Variants in PCDHGA8 observed in about 807,000 individuals in gnomAD.
PCDHGA8 encodes the protein protocadherin gamma-A8.
PCDHGA8 carries 45 observed loss-of-function variants against 59.2 expected under a neutral mutation model. The ratio of observed to expected loss-of-function variants is 0.76; its 90% CI spans 0.60 to 0.98. PCDHGA8 has a LOEUF of 0.98. Ranked by LOEUF, PCDHGA8 falls within the 50% of genes least tolerant of loss-of-function variation. PCDHGA8 has a pLI of 0.00. For synonymous variants in PCDHGA8, 531 were observed against 519.0 expected (o/e 1.02, Z -0.32); for missense variants, 1,257 against 1,196.2 (o/e 1.05, Z -0.75).
chr5:141,445,388 A>G (rs2098465525), intron 1 of PCDHGA8, among the ~76,000 whole-genome samples: 2 of 152,212 alleles, frequency 1.3e-5, no homozygotes, highest in African/African-American at 4.8e-5. Flanking sequence ...TCATTCATTT[A>G]CATAACAAAT....
chr5:141,407,971 G>A, intron 1 of PCDHGA8: 2 of 717,762 alleles, frequency 2.8e-6, no homozygotes, highest in South Asian at 2.3e-5. Flanking sequence ...AAGCGCTGAC[G>A]CCGGGGATCC....
chr5:141,409,045 C>T (rs1228603483), intron 1 of PCDHGA8: 1 of 1,613,878 alleles, frequency 6.2e-7, no homozygotes, highest in Non-Finnish European at 8.5e-7. Flanking sequence ...ACTACTACTT[C>T]CGAAGCACTG....
chr5:141,490,061 A>T lies in PCDHGA8; in HGVS notation c.2425-4746A>T. The stretch of plus-strand genomic sequence containing the variant: ...GCCACTGATCCAGACGAGGGCACCA[A>T]CGGCCAACTAGACTATTCTTTTGGA... On this transcript the variant is annotated intron_variant, in intron 1 of 3. Transcript: ENST00000398604. This position sits in a 1 kb window ranked among gnomAD's most constrained non-coding sequence, Gnocchi z 5.4. 1 of 1,614,214 alleles carries T rather than the reference A, an allele frequency of 6.2e-7. No homozygotes were observed. The highest frequency in any genetic ancestry group is 8.5e-7 in the Non-Finnish European group (1 of 1,180,030).
At chr5:141,427,570 C>T (rs1487817661) in intron 1 of PCDHGA8, 1 of 662,270 alleles carries the variant, frequency 1.5e-6, no homozygotes, top group Admixed American at 2.1e-5. Context: ...GGCAAGCCTC[C>T]GCTCTCATCC....
intron 1 of PCDHGA8, chr5:141,398,707 C>G (rs1257471989): frequency 6.8e-6 from 11 of 1,613,742 alleles, no homozygotes; most frequent in African/African-American, 1.3e-5. Context: ...ATACCCGGAA[C>G]TGGCACTGGA....
chr5:141,480,250 A>T (rs2099515553), intron 1 of PCDHGA8, among the ~76,000 whole-genome samples: 2 of 151,988 alleles, frequency 1.3e-5, no homozygotes, highest in African/African-American at 4.8e-5. Context: ...CAAAAAAAAA[A>T]AAAAATGTGT....
intron 1 of PCDHGA8, chr5:141,415,176 C>T: frequency 6.2e-7 from 1 of 1,613,934 alleles, no homozygotes; most frequent in Non-Finnish European, 8.5e-7. Context: ...TCACCGTGGC[C>T]GTGGCCGACA....
At chr5:141,413,179 G>C in intron 1 of PCDHGA8, 1 of 1,602,658 alleles carries the variant, frequency 6.2e-7, no homozygotes. Context: ...GACTACAATG[G>C]CCGCTCAAAG....
rs2099746956 is a variant in PCDHGA8 at position 141,493,207 on chromosome 5, A to C, written c.2425-1600A>C. Among the ~76,000 whole-genome samples, 1 of 152,152 alleles carries C rather than the reference A, an allele frequency of 6.6e-6. No individual in the cohort carries two copies. The highest frequency in any genetic ancestry group is 2.4e-5 in the African/African-American group (1 of 41,442). On this transcript the variant is annotated intron_variant, in intron 1 of 3. Coordinates refer to ENST00000398604, the MANE Select transcript of PCDHGA8 (RefSeq NM_032088.2). The surrounding 1 kb of genome is among the most constrained non-coding windows in gnomAD (Gnocchi z 4.3). ...ATAACTCCTTTGAGAACCTCATCTC[A>C]TTTGCTCTTCCCACCATTGCTGTTG...
chr5:141,511,443 C>A lies in PCDHGA8; in HGVS notation c.*270C>A. On this transcript the variant is annotated 3_prime_UTR_variant, in exon 4 of 4. Coordinates refer to ENST00000398604, the MANE Select transcript of PCDHGA8 (RefSeq NM_032088.2). ...GGGGTAGTGGGGTTACTGTAGACAC[C>A]AAGAACCATTTGCCACACCCCGTTT... 1 of 670,886 alleles carries A rather than the reference C, an allele frequency of 1.5e-6. No homozygotes were observed. Among genetic ancestry groups the A allele is most frequent in the Non-Finnish European group, 2.4e-6 (1 of 421,442 alleles). 41.6% of individuals were successfully genotyped at this position (670,886 alleles called of 1,614,324 possible).
At chr5:141,419,991 T>C (rs1192003266) in intron 1 of PCDHGA8, 1 of 1,614,078 alleles carries the variant, frequency 6.2e-7, no homozygotes. Context: ...ATTCTAGCTA[T>C]TGCTCTACGC....
chr5:141,486,828 G>A lies in PCDHGA8; in HGVS notation c.2425-7979G>A, dbSNP rs140257646. 77 of 1,614,218 alleles carry A rather than the reference G, an allele frequency of 4.8e-5. 1 individual carries two copies. In the East Asian group the frequency reaches 1.2e-3, roughly 26 times the overall value. On this transcript the variant is annotated intron_variant, in intron 1 of 3. Transcript: ENST00000398604. This position sits in a 1 kb window ranked among gnomAD's most constrained non-coding sequence, Gnocchi z 5.0. ...CCCCTTAGCAGCACTGTAACAGTTCGTCTATTTGTGCTGGACCTCAATGAC... is the reference window on the plus strand; with the variant it reads ...CCCCTTAGCAGCACTGTAACAGTTCATCTATTTGTGCTGGACCTCAATGAC...
rs138625114 is a variant in PCDHGA8, at chr5:141,394,703, A to C, written c.1890A>C (p.Arg630=). ...ACACGGGCGAGGTGCGCACGGCGCG[A>C]GCCCTGCTGGACAGAGATGCGCTCA... is the stretch of plus-strand genomic sequence containing the variant. The part of the protein sequence containing the change: ...GLHTGEVRTA[R]ALLDRDALKQ... Residue 630 remains arginine, a synonymous_variant, in exon 1 of 4, where the codon CGA becomes CGC. Coordinates refer to ENST00000398604, the MANE Select transcript of PCDHGA8 (RefSeq NM_032088.2). 0.026 allele frequency: 42,437 copies of C among 1,613,130 alleles called. 739 individuals are homozygous for C. Among genetic ancestry groups the C allele is most frequent in the East Asian group, 0.04 (1,810 of 44,864 alleles).
intron 1 of PCDHGA8, among the ~76,000 whole-genome samples, chr5:141,443,085 G>A (rs991288098): frequency 3.9e-5 from 6 of 151,916 alleles, no homozygotes; most frequent in Admixed American, 2.6e-4. Flanking sequence ...GAGTGTTCCA[G>A]TCTCCTTCTC....
At chr5:141,427,770 C>T (rs775095791) in intron 1 of PCDHGA8, 2 of 1,399,194 alleles carry the variant, frequency 1.4e-6, no homozygotes, top group Non-Finnish European at 2.0e-6. Context: ...TGACTTGGAG[C>T]TGCGGGCACT....
At chr5:141,405,380 A>G in intron 1 of PCDHGA8, 1 of 1,602,960 alleles carries the variant, frequency 6.2e-7, no homozygotes, top group Non-Finnish European at 8.5e-7. Context: ...GGTTCCGGTG[A>G]GTTCATTTTT....
chr5:141,399,576 C>G, intron 1 of PCDHGA8: 1 of 1,614,028 alleles, frequency 6.2e-7, no homozygotes, highest in South Asian at 1.1e-5. Flanking sequence ...ACGGCCAAGT[C>G]TCCTACTCTA....
At chr5:141,435,728 A>T (rs549219746) in intron 1 of PCDHGA8, among the ~76,000 whole-genome samples, 1 of 152,200 alleles carries the variant, frequency 6.6e-6, no homozygotes, top group Non-Finnish European at 1.5e-5. Flanking sequence ...GCTAAAGTGT[A>T]TTACTCTTTG....
intron 1 of PCDHGA8, chr5:141,402,972 G>C: frequency 6.2e-7 from 1 of 1,608,318 alleles, no homozygotes; most frequent in Non-Finnish European, 8.5e-7. Flanking sequence ...CCAACCAAAT[G>C]CCAGCTCCGC....
Sources: gnomAD v4.1 joint callset for allele counts (sites outside exome capture counted in the v4.1 genomes callset) on GRCh38, gnomAD v4.1.1 for gene constraint, Gnocchi (gnomAD v3.1) non-coding constraint, MANE v1.5 for transcripts, NCBI Gene and HGNC (gene_info 2026-07-23, HGNC 2026-07-21) for gene names.